Variants in LHX8 observed in about 807,000 individuals in gnomAD.
The protein encoded by LHX8 is LIM/homeobox protein Lhx8.
In LHX8, 12 loss-of-function variants were observed where a neutral mutation model predicts 40.3. The ratio of observed to expected loss-of-function variants is 0.30; its 90% CI spans 0.19 to 0.48. The LOEUF is 0.48. Ranked by LOEUF, LHX8 falls within the 20% of genes least tolerant of loss-of-function variation. LHX8 has a pLI of 0.99. For synonymous variants in LHX8, 179 were observed against 162.0 expected (o/e 1.10, Z -0.80); for missense variants, 344 against 433.7 (o/e 0.79, Z 1.84).
At chr1:75,154,117 G>A (rs1225366047) in intron 7 of LHX8, among the ~76,000 whole-genome samples, 1 of 152,124 alleles carries the variant, frequency 6.6e-6, no homozygotes, top group African/African-American at 2.4e-5. Context: ...TTGGAGGTTT[G>A]CAAACAAGAA....
chr1:75,179,979 A>G, the LHX8 span, among the ~76,000 whole-genome samples: 8,056 of 152,140 alleles, frequency 0.053, 227 homozygotes, highest in Middle Eastern at 0.099. Context: ...GAAATTCTGG[A>G]TTGAAAATTC....
chr1:75,136,751 G>A, intron 2 of LHX8, 62 bp downstream of exon 2: 1 of 1,369,714 alleles, frequency 7.3e-7, no homozygotes, highest in Non-Finnish European at 1.0e-6. Context: ...GCAGGACGAA[G>A]GGCCGCTGTC....
intron 6 of LHX8, among the ~76,000 whole-genome samples, 192 bp from the exon 7 acceptor site, chr1:75,148,395 G>A (rs940162568): frequency 6.6e-6 from 1 of 152,116 alleles, no homozygotes; most frequent in African/African-American, 2.4e-5. Context: ...AAAGTTCTCA[G>A]CATAGCAACT....
chr1:75,130,479 G>A, upstream of LHX8: 1 of 584,922 alleles, frequency 1.7e-6, no homozygotes. Context: ...TGTCCCGCGT[G>A]GAGCAGGCTT....
In LHX8 at chr1:75,160,035, A is replaced by G. The variant is rs551199321; in HGVS notation, c.965-784A>G. On this transcript the variant is annotated intron_variant, in intron 8 of 8. Coordinates refer to ENST00000356261, the MANE Select transcript of LHX8 (RefSeq NM_001256114.2). ...ATTTTTGTTTCTCACCACTCTGCCA[A>G]AGTCTAACTTCTGAATGCTCTGCTA... The G allele has an allele frequency of 2.0e-5, 3 of 152,234 alleles. No individual in the cohort carries two copies. In the South Asian group the frequency reaches 6.2e-4, roughly 32 times the overall value. The allele number at this position is 152,234 out of a possible 1,614,324, so 9.4% of individuals were successfully genotyped here.
At chr1:75,167,747 A>T in the LHX8 span, among the ~76,000 whole-genome samples, 4 of 152,244 alleles carry the variant, frequency 2.6e-5, no homozygotes, top group Non-Finnish European at 5.9e-5. Context: ...TTGACAGAGC[A>T]GTCTCTTGCC....
the LHX8 span, among the ~76,000 whole-genome samples, chr1:75,179,382 A>G: frequency 4.0e-5 from 6 of 151,856 alleles, no homozygotes; most frequent in Middle Eastern, 3.2e-3. Context: ...TATATTTAGG[A>G]TAGTTAGCTC....
At chr1:75,169,072 C>T in the LHX8 span, among the ~76,000 whole-genome samples, 1 of 151,814 alleles carries the variant, frequency 6.6e-6, no homozygotes, top group Non-Finnish European at 1.5e-5. Context: ...GAAAATGTAA[C>T]ATCCTTTGTG....
rs904141035 is a variant in LHX8, at chr1:75,150,619, C to T, written c.780+1937C>T. Among the ~76,000 whole-genome samples, 71 of 151,200 alleles carry T rather than the reference C, an allele frequency of 4.7e-4. 1 individual carries two copies. Among genetic ancestry groups the T allele is most frequent in the African/African-American group, 7.5e-4 (31 of 41,146 alleles). ...TGAAGAAGTGGGGTGAATTCAAGAA[C>T]GAGATGGCCAGCTGTGTCAAGATTA... On this transcript the variant is annotated intron_variant, in intron 7 of 8. Coordinates refer to ENST00000356261, the MANE Select transcript of LHX8 (RefSeq NM_001256114.2).
the LHX8 span, among the ~76,000 whole-genome samples, chr1:75,198,187 C>G: frequency 6.6e-6 from 1 of 152,146 alleles, no homozygotes; most frequent in African/African-American, 2.4e-5. Flanking sequence ...GGGATTTGGA[C>G]TGAAGCTCCA....
At chr1:75,130,711 G>C, upstream of LHX8, 4 of 1,614,068 alleles carry the variant, frequency 2.5e-6, no homozygotes, top group Non-Finnish European at 3.4e-6. Context: ...ATCTCTGAGG[G>C]GTTATGCAGA....
chr1:75,165,832 T>G (rs1406826513), downstream of LHX8, among the ~76,000 whole-genome samples: 1 of 152,210 alleles, frequency 6.6e-6, no homozygotes, highest in Non-Finnish European at 1.5e-5. Context: ...AGCAAATATC[T>G]TATATACCTG....
the LHX8 span, among the ~76,000 whole-genome samples, chr1:75,180,704 T>G: frequency 0.11 from 17,434 of 152,216 alleles, 1,636 homozygotes; most frequent in African/African-American, 0.25. Context: ...ACTCATCAAA[T>G]TAATTCTCAG....
chr1:75,191,464 A>G, the LHX8 span, among the ~76,000 whole-genome samples: 7 of 152,162 alleles, frequency 4.6e-5, no homozygotes, highest in African/African-American at 1.7e-4. Context: ...TTACCATGCA[A>G]TGCTACAAAG....
chr1:75,177,540 GCTGAAGTT>G, the LHX8 span, among the ~76,000 whole-genome samples: 1 of 152,186 alleles, frequency 6.6e-6, no homozygotes, highest in African/African-American at 2.4e-5. Flanking sequence ...CTGAGACTTT[GCTGAAGTT>G]GCTTATCAGC....
At chr1:75,130,805 C>A, upstream of LHX8, 3 of 1,437,800 alleles carry the variant, frequency 2.1e-6, no homozygotes, top group Non-Finnish European at 2.9e-6. Flanking sequence ...ATAATGGTTA[C>A]ACGTGATGGG....
chr1:75,186,313 C>T, the LHX8 span, among the ~76,000 whole-genome samples: 1 of 152,102 alleles, frequency 6.6e-6, no homozygotes, highest in Admixed American at 6.5e-5. Context: ...CCACTGTAAC[C>T]AAAACAGCAT....
At chr1:75,130,966 T>C (rs1647945108), upstream of LHX8, 8 of 610,276 alleles carry the variant, frequency 1.3e-5, no homozygotes, top group South Asian at 1.1e-4. Context: ...ATCGCGAAAG[T>C]CTCCCCATCC....
chr1:75,146,879 A>G (rs1409529917), intron 6 of LHX8, among the ~76,000 whole-genome samples: 2 of 152,218 alleles, frequency 1.3e-5, no homozygotes, highest in Non-Finnish European at 1.5e-5. Flanking sequence ...TTGTGAATTT[A>G]AAAATGCATT....
Sources: gnomAD v4.1 joint callset for allele counts (sites outside exome capture counted in the v4.1 genomes callset) on GRCh38, gnomAD v4.1.1 for gene constraint, MANE v1.5 for transcripts, NCBI Gene and HGNC (gene_info 2026-07-23, HGNC 2026-07-21) for gene names.